The following C12orf42 variants were observed in gnomAD, a reference collection of about 807,000 sequenced individuals.
C12orf42 encodes chromosome 12 open reading frame 42.
In C12orf42, 25 loss-of-function variants were observed where a neutral mutation model predicts 21.6. That is an observed-to-expected ratio of 1.16 (90% CI 0.84 to 1.62). The LOEUF (loss-of-function observed/expected upper bound fraction) is 1.62, where lower values mean the gene tolerates loss of function less well. C12orf42 is among the 40% of genes most tolerant of loss of function. The pLI is 0.00. For synonymous variants in C12orf42, 174 were observed against 175.0 expected (o/e 0.99, Z 0.05); for missense variants, 483 against 459.3 (o/e 1.05, Z -0.47).
At chr12:103,161,133 C>T in the C12orf42 span, among the ~76,000 whole-genome samples, 3 of 152,134 alleles carry the variant, frequency 2.0e-5, no homozygotes, top group Non-Finnish European at 4.4e-5. Flanking sequence ...GGCAGGCTTT[C>T]CACTCTTGTG....
the C12orf42 span, among the ~76,000 whole-genome samples, chr12:103,545,556 G>C: frequency 6.6e-6 from 1 of 152,140 alleles, no homozygotes; most frequent in Non-Finnish European, 1.5e-5. Flanking sequence ...TTAATAAAAT[G>C]TGCAATAAAA....
chr12:103,092,525 C>G, the C12orf42 span, among the ~76,000 whole-genome samples: 1 of 152,148 alleles, frequency 6.6e-6, no homozygotes, highest in Non-Finnish European at 1.5e-5. Flanking sequence ...ACTATAACAA[C>G]AGAATAACAC....
chr12:103,371,142 G>A (rs909446386), intron 3 of C12orf42, among the ~76,000 whole-genome samples: 2 of 152,092 alleles, frequency 1.3e-5, no homozygotes, highest in Non-Finnish European at 2.9e-5. Flanking sequence ...CCCTGCATAA[G>A]CAATAGTATC....
intron 2 of C12orf42, among the ~76,000 whole-genome samples, chr12:103,462,096 G>GTTTTTTTTTTTTTTTTTTATTTTTTTT (rs1952755030): frequency 3.6e-5 from 1 of 27,724 alleles, no homozygotes; most frequent in African/African-American, 1.4e-4. Context: ...TTTTTGCTTG[G>GTTTTTTTTTTTTTTTTTTATTTTTTTT]TTTTTTTTTT....
intron 1 of C12orf42, among the ~76,000 whole-genome samples, chr12:103,486,212 C>A (rs146462109): frequency 0.033 from 5,005 of 152,278 alleles, 108 homozygotes; most frequent in Non-Finnish European, 0.051. Context: ...AAGGCCTTTT[C>A]TACATCTATT....
At chr12:103,228,302 G>T in the C12orf42 span, among the ~76,000 whole-genome samples, 2 of 152,004 alleles carry the variant, frequency 1.3e-5, no homozygotes, top group Non-Finnish European at 2.9e-5. Flanking sequence ...GGGCAGGAGT[G>T]GGGGTCGCAA....
In C12orf42 at chr12:103,459,354, G is replaced by A. The variant is rs549175862; in HGVS notation, c.78+18995C>T. On this transcript the variant is annotated intron_variant, in intron 2 of 5. Transcript: ENST00000548883. Reference sequence around the variant, plus strand: ...CCAGTGTTGCAAGTGGGGTCTTGTAGGACATGTTTAGATCATGGAAGTAAA... The same window carrying A: ...CCAGTGTTGCAAGTGGGGTCTTGTAAGACATGTTTAGATCATGGAAGTAAA... Among the ~76,000 whole-genome samples, 21 of 152,298 alleles carry A rather than the reference G, an allele frequency of 1.4e-4. No homozygotes were observed. In the South Asian group the frequency reaches 4.2e-3, roughly 30 times the overall value.
intron 10 of C12orf42, chr12:103,263,235 G>C (rs557696190): frequency 1.3e-5 from 2 of 152,080 alleles, no homozygotes; most frequent in East Asian, 1.9e-4. Context: ...AACCAACATG[G>C]CACACGTACA....
In C12orf42 at chr12:103,313,479, A is replaced by C. The variant is rs140197369; in HGVS notation, c.260-7134T>G. 2.0e-5 allele frequency among the ~76,000 whole-genome samples: 3 copies of C among 152,330 alleles called. No individual in the cohort carries two copies. In the East Asian group the frequency reaches 5.8e-4, roughly 29 times the overall value. On this transcript the variant is annotated intron_variant, in intron 4 of 5. Transcript: ENST00000548883. Reference sequence around the variant, plus strand: ...ACAAGCACTGGATCCAGACTGCTCAAGTCAAATCTATGCTTTTCCCCTTCC... The same window carrying C: ...ACAAGCACTGGATCCAGACTGCTCACGTCAAATCTATGCTTTTCCCCTTCC...
the C12orf42 span, among the ~76,000 whole-genome samples, chr12:103,506,863 TATATATATTTATATATTATATATTAA>T: frequency 1.3e-5 from 1 of 79,656 alleles, no homozygotes; most frequent in Middle Eastern, 4.7e-3. Context: ...ATATATTATA[TATATATATTTATATATTATATATTAA>T]ATATATATTT....
At chr12:103,514,240 T>C in the C12orf42 span, among the ~76,000 whole-genome samples, 1 of 152,208 alleles carries the variant, frequency 6.6e-6, no homozygotes, top group East Asian at 1.9e-4. Context: ...TATCTCTACC[T>C]GGTCCTTCCC....
At chr12:103,237,514 T>C (rs987840265), downstream of C12orf42, 1 of 152,226 alleles carries the variant, frequency 6.6e-6, no homozygotes, top group Non-Finnish European at 1.5e-5. Context: ...AGATCTTTGA[T>C]AATTCGCCTG....
At chr12:103,380,400 A>G (rs749037487) in intron 3 of C12orf42, among the ~76,000 whole-genome samples, 98 of 152,322 alleles carry the variant, frequency 6.4e-4, no homozygotes, top group Non-Finnish European at 5.1e-4. Context: ...TGCTGCAGGA[A>G]AAATCTGAAA....
intron 1 of C12orf42, among the ~76,000 whole-genome samples, chr12:103,493,737 A>G (rs1198885074): frequency 6.6e-6 from 1 of 151,950 alleles, no homozygotes; most frequent in Admixed American, 6.6e-5. Flanking sequence ...AAAAAAAAAA[A>G]AACCTTAGAG....
chr12:103,453,633 T>A (rs565811591), intron 2 of C12orf42, among the ~76,000 whole-genome samples: 1 of 152,244 alleles, frequency 6.6e-6, no homozygotes, highest in South Asian at 2.1e-4. Context: ...ATATTAATTA[T>A]ATACGTTGTA....
chr12:103,468,211 C>T (rs980368326), intron 2 of C12orf42, among the ~76,000 whole-genome samples: 29 of 152,156 alleles, frequency 1.9e-4, no homozygotes, highest in Admixed American at 8.5e-4. Context: ...AACCACCTTC[C>T]TGATTTTGAG....
In C12orf42 at chr12:103,478,344, A is replaced by C; in HGVS notation, c.78+5T>G. 1 of 1,585,024 alleles carries C rather than the reference A, an allele frequency of 6.3e-7. No individual in the cohort carries two copies. The highest frequency in any genetic ancestry group is 1.1e-5 in the South Asian group (1 of 87,746). ...TAAGAAAATATAGTATCTCTTATGC[A>C]TTACCTGCATCCTGTTTGCAAAAGG... On this transcript the variant is annotated splice_donor_5th_base_variant and intron_variant, in intron 2 of 5. Transcript: ENST00000548883.
chr12:103,204,345 TG>T, the C12orf42 span, among the ~76,000 whole-genome samples: 1 of 152,206 alleles, frequency 6.6e-6, no homozygotes, highest in African/African-American at 2.4e-5. Context: ...TTTTCCAGCT[TG>T]TACATGACAG....
chr12:103,553,129 A>T, the C12orf42 span, among the ~76,000 whole-genome samples: 1 of 152,078 alleles, frequency 6.6e-6, no homozygotes, highest in Non-Finnish European at 1.5e-5. Context: ...TGTCCTGTGC[A>T]TTGCAGGGCG....
Sources: gnomAD v4.1 joint callset for allele counts (sites outside exome capture counted in the v4.1 genomes callset) on GRCh38, gnomAD v4.1.1 for gene constraint, MANE v1.5 for transcripts, NCBI Gene and HGNC (gene_info 2026-07-23, HGNC 2026-07-21) for gene names.